The following TMEM163 variants were observed in gnomAD, a reference collection of about 807,000 sequenced individuals.
TMEM163 encodes the protein transmembrane protein 163.
TMEM163 carries 17 observed loss-of-function variants against 29.3 expected under a neutral mutation model. The observed-to-expected ratio is 0.58, with a 90% CI of 0.40 to 0.87. TMEM163 has a LOEUF of 0.87. Ranked by LOEUF, TMEM163 falls within the 40% of genes least tolerant of loss-of-function variation. The probability of loss-of-function intolerance (pLI) is 0.00; values close to 1 mark genes in which losing one functional copy is unlikely to be tolerated. For synonymous variants in TMEM163, 157 were observed against 160.6 expected (o/e 0.98, Z 0.17); for missense variants, 303 against 381.5 (o/e 0.79, Z 1.71).
chr2:134,686,370 A>G (rs10928510), intron 2 of TMEM163, among the ~76,000 whole-genome samples: 29,305 of 152,164 alleles, frequency 0.19, 3,168 homozygotes, highest in Middle Eastern at 0.39. Flanking sequence ...AGAGCCTAAA[A>G]AGCAATCCGT....
chr2:134,510,884 A>T (rs1679931631), intron 4 of TMEM163, among the ~76,000 whole-genome samples: 1 of 152,168 alleles, frequency 6.6e-6, no homozygotes, highest in Non-Finnish European at 1.5e-5. Context: ...AGAAAGGAAC[A>T]GGGAACAGCC....
chr2:134,480,535 A>C (rs1409805118), intron 5 of TMEM163, among the ~76,000 whole-genome samples: 1 of 152,210 alleles, frequency 6.6e-6, no homozygotes, highest in Non-Finnish European at 1.5e-5. Context: ...GCTACAGGCT[A>C]TCATACTCAA....
At chr2:134,704,706 G>T (rs1021682512) in intron 2 of TMEM163, among the ~76,000 whole-genome samples, 2 of 151,858 alleles carry the variant, frequency 1.3e-5, no homozygotes, top group Admixed American at 6.6e-5. Context: ...TCCAGTGAAG[G>T]CTCCCCCACG....
chr2:134,629,209 A>T (rs1374018713), intron 2 of TMEM163, among the ~76,000 whole-genome samples: 1 of 152,226 alleles, frequency 6.6e-6, no homozygotes, highest in Non-Finnish European at 1.5e-5. Context: ...CCAAGATCAT[A>T]TAGGCAGGTT....
At chr2:134,532,196 G>A (rs1462324210) in intron 4 of TMEM163, among the ~76,000 whole-genome samples, 1 of 152,194 alleles carries the variant, frequency 6.6e-6, no homozygotes, top group East Asian at 1.9e-4. Context: ...CTGGGAGTCA[G>A]CCATTTAGGC....
intron 2 of TMEM163, among the ~76,000 whole-genome samples, chr2:134,578,869 C>T (rs1339506930): frequency 6.6e-6 from 1 of 152,152 alleles, no homozygotes; most frequent in Admixed American, 6.5e-5. Flanking sequence ...TAAAAAGAGA[C>T]TGCTCTATTC....
intron 2 of TMEM163, among the ~76,000 whole-genome samples, chr2:134,667,509 A>G (rs1376427727): frequency 6.6e-6 from 1 of 152,234 alleles, no homozygotes; most frequent in African/African-American, 2.4e-5. Context: ...GAAAAAGCAG[A>G]GCAGAAGGAA....
At chr2:134,627,054 C>T (rs1682868179) in intron 2 of TMEM163, among the ~76,000 whole-genome samples, 1 of 152,110 alleles carries the variant, frequency 6.6e-6, no homozygotes, top group South Asian at 2.1e-4. Flanking sequence ...AAAAGCATTG[C>T]CAATTCAATA....
intron 5 of TMEM163, among the ~76,000 whole-genome samples, chr2:134,490,546 C>CA (rs1679406549): frequency 6.6e-6 from 1 of 152,182 alleles, no homozygotes; most frequent in African/African-American, 2.4e-5. Flanking sequence ...TCTCAACTCC[C>CA]ACAAGGGCCT....
At chr2:134,704,364 C>CACTGAAGG (rs1359339633) in intron 2 of TMEM163, among the ~76,000 whole-genome samples, 4 of 152,182 alleles carry the variant, frequency 2.6e-5, no homozygotes, top group Non-Finnish European at 1.5e-5. Flanking sequence ...AATCCCCCTC[C>CACTGAAGG]ACTGAAGGAC....
intron 2 of TMEM163, among the ~76,000 whole-genome samples, chr2:134,578,285 G>T (rs1170084904): frequency 6.6e-6 from 1 of 152,120 alleles, no homozygotes; most frequent in East Asian, 1.9e-4. Flanking sequence ...TCCTGTTCTG[G>T]ATGTGCCCCA....
chr2:134,465,533 C>T (rs115166342), intron 6 of TMEM163, among the ~76,000 whole-genome samples: 18 of 152,304 alleles, frequency 1.2e-4, no homozygotes, highest in African/African-American at 4.3e-4. Context: ...CGTACTTTTC[C>T]TGCACTCACA....
intron 2 of TMEM163, among the ~76,000 whole-genome samples, chr2:134,596,049 C>T (rs537720333): frequency 6.6e-6 from 1 of 152,216 alleles, no homozygotes; most frequent in East Asian, 1.9e-4. Context: ...AAATCTTCTC[C>T]CATTCTGTAG....
intron 2 of TMEM163, among the ~76,000 whole-genome samples, chr2:134,667,193 C>T (rs1683889118): frequency 6.6e-6 from 1 of 152,232 alleles, no homozygotes; most frequent in Admixed American, 6.5e-5. Flanking sequence ...ACAGAGGCTG[C>T]TGGCTAGGCT....
intron 5 of TMEM163, among the ~76,000 whole-genome samples, chr2:134,502,595 C>G (rs1040307027): frequency 6.6e-6 from 1 of 152,198 alleles, no homozygotes; most frequent in Non-Finnish European, 1.5e-5. Flanking sequence ...TTGGATCACT[C>G]TGCTTCACAA....
intron 2 of TMEM163, among the ~76,000 whole-genome samples, chr2:134,596,669 T>A (rs1205390900): frequency 1.3e-5 from 2 of 152,230 alleles, no homozygotes; most frequent in African/African-American, 4.8e-5. Context: ...GGTAGCTTGA[T>A]GGGGATGGCA....
Position 134,656,513 on chromosome 2 carries a change from T to A in TMEM163, c.322+56687A>T, listed in dbSNP as rs1683618992. Reference sequence around the variant, plus strand: ...ATGCAGAAATCACCCGTCTTCTGCGTCGCTCACGCTGGGAGCTGTAGACCG... The same window carrying A: ...ATGCAGAAATCACCCGTCTTCTGCGACGCTCACGCTGGGAGCTGTAGACCG... On this transcript the variant is annotated intron_variant, in intron 2 of 7. Transcript: ENST00000281924. Among the ~76,000 whole-genome samples, 3 of 152,310 alleles carry A rather than the reference T, an allele frequency of 2.0e-5. No homozygotes were observed. In the South Asian group the frequency reaches 6.2e-4, roughly 32 times the overall value.
intron 4 of TMEM163, among the ~76,000 whole-genome samples, chr2:134,525,935 A>G (rs980387545): frequency 7.2e-5 from 11 of 152,234 alleles, no homozygotes; most frequent in Non-Finnish European, 1.2e-4. Flanking sequence ...TTTGCAAATA[A>G]GAAGGCAGGG....
chr2:134,504,537 A>G (rs541930205), intron 4 of TMEM163, among the ~76,000 whole-genome samples: 1 of 152,200 alleles, frequency 6.6e-6, no homozygotes, highest in African/African-American at 2.4e-5. Flanking sequence ...CAAGGACACA[A>G]CCTGGGAATG....
Sources: allele counts gnomAD v4.1 joint callset (sites outside exome capture counted in the v4.1 genomes callset), GRCh38; gene constraint gnomAD v4.1.1; transcripts MANE v1.5; gene names NCBI Gene and HGNC (gene_info 2026-07-23, HGNC 2026-07-21).